Variants in RAI14 observed in about 807,000 individuals in gnomAD.
RAI14 encodes the protein retinoic acid induced 14, also known as ankycorbin.
A neutral mutation model predicts 115.4 loss-of-function variants in RAI14; 45 were observed. The ratio of observed to expected loss-of-function variants is 0.39; its 90% confidence interval spans 0.31 to 0.50. The LOEUF (loss-of-function observed/expected upper bound fraction) is 0.50. Among genes scored for constraint, RAI14 ranks in the 20% least tolerant of loss-of-function variants. RAI14 has a pLI of 0.85. For synonymous variants in RAI14, 371 were observed against 415.4 expected (o/e 0.89, Z 1.30); for missense variants, 939 against 1,131.2 (o/e 0.83, Z 2.44).
chr5:34,676,864 G>GA (rs1348865672), intron 1 of RAI14, among the ~76,000 whole-genome samples: 2 of 152,096 alleles, frequency 1.3e-5, no homozygotes, highest in South Asian at 2.1e-4. Context: ...TATTTTCTTG[G>GA]AAAAAAATCT....
At chr5:34,678,993 C>A (rs1235682636) in intron 1 of RAI14, among the ~76,000 whole-genome samples, 1 of 152,206 alleles carries the variant, frequency 6.6e-6, no homozygotes, top group Non-Finnish European at 1.5e-5. Context: ...AGGCTGATAA[C>A]AACACAACAG....
intron 3 of RAI14, among the ~76,000 whole-genome samples, chr5:34,789,284 C>T (rs1188068311): frequency 6.6e-6 from 1 of 152,262 alleles, no homozygotes; most frequent in Non-Finnish European, 1.5e-5. Flanking sequence ...CCACCATCAT[C>T]TACATATCAG....
intron 2 of RAI14, among the ~76,000 whole-genome samples, chr5:34,689,100 T>C (rs762222065): frequency 5.9e-5 from 9 of 152,192 alleles, no homozygotes; most frequent in Non-Finnish European, 1.2e-4. Context: ...GTGGAAAGTC[T>C]ATTTTAAGAA....
At chr5:34,770,617 CTTT>C (rs1282298861) in intron 3 of RAI14, among the ~76,000 whole-genome samples, 1 of 152,170 alleles carries the variant, frequency 6.6e-6, no homozygotes, top group Non-Finnish European at 1.5e-5. Flanking sequence ...CAGCTGCGTA[CTTT>C]TCTGCAGGAA....
intron 2 of RAI14, among the ~76,000 whole-genome samples, chr5:34,731,471 T>C (rs1744164965): frequency 6.6e-6 from 1 of 152,220 alleles, no homozygotes; most frequent in South Asian, 2.1e-4. Flanking sequence ...TGCATCTACT[T>C]ATTTACTTTA....
At chr5:34,772,401 C>A (rs779489083) in intron 3 of RAI14, among the ~76,000 whole-genome samples, 2 of 152,274 alleles carry the variant, frequency 1.3e-5, no homozygotes, top group Non-Finnish European at 2.9e-5. Context: ...ACCACAGTTA[C>A]CTTTGCACTA....
At chr5:34,737,774 A>C (rs1479026794) in intron 2 of RAI14, among the ~76,000 whole-genome samples, 3 of 151,904 alleles carry the variant, frequency 2.0e-5, no homozygotes, top group Non-Finnish European at 4.4e-5. Flanking sequence ...CAAAAAACAA[A>C]ACCAAAAAAA....
intron 2 of RAI14, among the ~76,000 whole-genome samples, chr5:34,740,792 A>G (rs1745419301): frequency 6.6e-6 from 1 of 152,220 alleles, no homozygotes; most frequent in African/African-American, 2.4e-5. Flanking sequence ...TCTTGGAACT[A>G]GATTTTTCCC....
At chr5:34,810,716 CT>C (rs1384386951) in intron 7 of RAI14, among the ~76,000 whole-genome samples, 4 of 152,116 alleles carry the variant, frequency 2.6e-5, no homozygotes, top group African/African-American at 4.8e-5. Context: ...CCTTTACACA[CT>C]TTGTGTTCTG....
intron 2 of RAI14, among the ~76,000 whole-genome samples, chr5:34,756,694 G>T (rs969661145): frequency 6.6e-6 from 1 of 152,132 alleles, no homozygotes; most frequent in African/African-American, 2.4e-5. Context: ...TGCCTTTCAT[G>T]TCTTTCTTAG....
chr5:34,660,840 G>A (rs1234549876), intron 1 of RAI14, among the ~76,000 whole-genome samples: 2 of 149,146 alleles, frequency 1.3e-5, no homozygotes, highest in Non-Finnish European at 3.0e-5. Flanking sequence ...CATCATGCTC[G>A]TGAATTCTGC....
chr5:34,791,971 A>T lies in RAI14; in HGVS notation c.168-3968A>T, dbSNP rs1752962186. Among the ~76,000 whole-genome samples, 1 of 152,168 alleles carries T rather than the reference A, an allele frequency of 6.6e-6. No homozygotes were observed. ...GCCAAAGCACAGGGCAGCCCATTGGATGCAGTTCATTAGGGGACTGCCTCT... is the reference window on the plus strand; with the variant it reads ...GCCAAAGCACAGGGCAGCCCATTGGTTGCAGTTCATTAGGGGACTGCCTCT... On this transcript the variant is annotated intron_variant, in intron 3 of 17. Coordinates refer to ENST00000265109, the MANE Select transcript of RAI14 (RefSeq NM_015577.3). The surrounding 1 kb of genome is among the most constrained non-coding windows in gnomAD (Gnocchi z 5.4).
chr5:34,716,199 T>C (rs1198084620), intron 2 of RAI14: 3 of 355,572 alleles, frequency 8.4e-6, no homozygotes, highest in Non-Finnish European at 1.6e-5. Context: ...TATAGGTGGA[T>C]TTACATGCCT....
chr5:34,661,940 C>T lies in RAI14; in HGVS notation c.-49+5465C>T, dbSNP rs544016373. On this transcript the variant is annotated intron_variant, in intron 1 of 17. Coordinates refer to ENST00000265109, the MANE Select transcript of RAI14 (RefSeq NM_015577.3). ...AGTTGTGTCTACAGGCGCGTGCCAA[C>T]ACACCTGCCTAGTTTTTCTTTTACT... 1.1e-4 allele frequency among the ~76,000 whole-genome samples: 17 copies of T among 152,292 alleles called. 1 individual carries two copies. The South Asian group carries it at 3.5e-3, about 32-fold the overall frequency.
At chr5:34,775,653 A>T (rs531296646) in intron 3 of RAI14, among the ~76,000 whole-genome samples, 2 of 152,360 alleles carry the variant, frequency 1.3e-5, no homozygotes, top group South Asian at 2.1e-4. Context: ...GTACGAAAAC[A>T]TGCTGAACAT....
At chr5:34,738,146 C>T (rs927248770) in intron 2 of RAI14, among the ~76,000 whole-genome samples, 9 of 152,086 alleles carry the variant, frequency 5.9e-5, no homozygotes, top group East Asian at 3.9e-4. Flanking sequence ...TAGTCCAGGC[C>T]GACCACAGTG....
chr5:34,670,316 G>C (rs1379759340), intron 1 of RAI14, among the ~76,000 whole-genome samples: 2 of 152,138 alleles, frequency 1.3e-5, no homozygotes, highest in Non-Finnish European at 2.9e-5. Flanking sequence ...GTTTAATCTA[G>C]CCTCCTCTAT....
At chr5:34,822,576 A>C (rs1405241076) in intron 14 of RAI14, among the ~76,000 whole-genome samples, 1 of 150,788 alleles carries the variant, frequency 6.6e-6, no homozygotes, top group African/African-American at 2.4e-5. Flanking sequence ...ATACACAGGC[A>C]AAGTGATCAT....
intron 2 of RAI14, among the ~76,000 whole-genome samples, chr5:34,736,139 G>T (rs1055363243): frequency 6.6e-6 from 1 of 150,726 alleles, no homozygotes; most frequent in South Asian, 2.1e-4. Flanking sequence ...GGTGACTCAC[G>T]CCTGTAATCC....
Sources: allele counts gnomAD v4.1 joint callset (sites outside exome capture counted in the v4.1 genomes callset), GRCh38; gene constraint gnomAD v4.1.1; non-coding constraint Gnocchi (gnomAD v3.1); transcripts MANE v1.5; gene names NCBI Gene and HGNC (gene_info 2026-07-23, HGNC 2026-07-21).